The following LSS variants were observed in gnomAD, a reference collection of about 807,000 sequenced individuals.
LSS encodes lanosterol synthase.
A neutral mutation model predicts 110.3 loss-of-function variants in LSS; 90 were observed. That is an observed-to-expected ratio of 0.82 (90% CI 0.69 to 0.97). The LOEUF (loss-of-function observed/expected upper bound fraction) is 0.97. Among genes scored for constraint, LSS ranks in the 50% least tolerant of loss-of-function variants. LSS has a pLI of 0.00. For missense variants in LSS, 927 were observed against 990.0 expected, an observed-to-expected ratio of 0.94 and a Z score of 0.85; for synonymous variants, 433 against 400.0, an observed-to-expected ratio of 1.08 and a Z score of -0.98.
At chr21:46,207,391 C>T (rs201318771) in intron 15 of LSS, 37 bp downstream of exon 15, 148 of 1,605,954 alleles carry the variant, frequency 9.2e-5, no homozygotes, top group East Asian at 1.6e-4. Context: ...CTGCAGGACA[C>T]GAGGTATGGA....
Position 46,189,642 on chromosome 21 carries a change from A to G in LSS, c.*1462T>C, listed in dbSNP as rs545016425. On this transcript the variant is annotated 3_prime_UTR_variant, in exon 22 of 22. Transcript: ENST00000397728. ...GCCCCTGAAGGACTCTGGGCAGGCA[A>G]TGACAGGATCTGAGGGTGTCCAGAC... 438 of 455,988 alleles carry G rather than the reference A, an allele frequency of 9.6e-4. 3 individuals carry two copies. The highest frequency in any genetic ancestry group is 6.5e-3 in the South Asian group (417 of 64,550). 28.2% of individuals were successfully genotyped at this position (455,988 alleles called of 1,614,324 possible).
chr21:46,191,231 T>C lies in LSS; in HGVS notation c.2072A>G (p.Asn691Ser). ...GGACTTGTTGAAGACCCCAGCAATG[T>C]TTTCCTAAAAGAACACAGAGAAATA... ...QLPNGDWPQE[N>S]IAGVFNKSCA... The change falls in exon 22 of 22, where the codon AAC (asparagine) becomes AGC (serine). Residue 691 changes from asparagine to serine, a missense_variant. Asn to Ser is a conservative substitution (Grantham distance 46, BLOSUM62 1). Transcript: ENST00000397728. 6.2e-7 allele frequency: 1 copy of C among 1,613,954 alleles called. No individual in the cohort carries two copies. The highest frequency in any genetic ancestry group is 2.2e-5 in the East Asian group (1 of 44,872).
At chr21:46,215,947 T>C (rs1300321483) in intron 7 of LSS, among the ~76,000 whole-genome samples, 154 bp from the exon 8 acceptor site, 5 of 152,086 alleles carry the variant, frequency 3.3e-5, no homozygotes, top group Admixed American at 3.3e-4. Context: ...CGAGGCCACA[T>C]GAAGGCCCCC....
chr21:46,205,720 T>C (rs1470500543), intron 17 of LSS, 116 bp downstream of exon 17: 1 of 722,920 alleles, frequency 1.4e-6, no homozygotes, highest in Non-Finnish European at 2.3e-6. Flanking sequence ...CTCTTGCATG[T>C]TTCCATGAGT....
chr21:46,200,906 A>G (rs1395837664), intron 17 of LSS, among the ~76,000 whole-genome samples: 1 of 152,264 alleles, frequency 6.6e-6, no homozygotes, highest in African/African-American at 2.4e-5. Flanking sequence ...ACACCTGCTA[A>G]GAAATACTCA....
chr21:46,218,231 C>T (rs1386200948), intron 6 of LSS, among the ~76,000 whole-genome samples: 1 of 152,142 alleles, frequency 6.6e-6, no homozygotes, highest in Non-Finnish European at 1.5e-5. Context: ...TGTGTGGTTC[C>T]AGGGTCTCAC....
chr21:46,215,365 A>G (rs2080188659), intron 8 of LSS, 67 bp from the exon 9 acceptor site: 2 of 1,110,836 alleles, frequency 1.8e-6, no homozygotes, highest in African/African-American at 1.5e-5. Context: ...AGCTCCATGC[A>G]CTGCAACGCC....
chr21:46,191,997 T>C lies in LSS; in HGVS notation c.1989-38A>G, dbSNP rs776471068. ...AAGGCTGAAACACACCCAGCATGCA[T>C]GCCCCCACAGCATCATCCTCACCCT... On this transcript the variant is annotated intron_variant, in intron 20 of 21. Coordinates refer to ENST00000397728, the MANE Select transcript of LSS (RefSeq NM_002340.6). The C allele has an allele frequency of 1.8e-5, 26 of 1,437,894 alleles. No homozygotes were observed. In the African/African-American group the frequency reaches 2.2e-4, roughly 12 times the overall value. The allele number at this position is 1,437,894 out of a possible 1,614,324, so 89.1% of individuals were successfully genotyped here.
At chr21:46,225,136 T>C (rs543481870) in intron 3 of LSS, 1 of 184,970 alleles carries the variant, frequency 5.4e-6, no homozygotes, top group East Asian at 1.4e-4. Flanking sequence ...TATGATTATA[T>C]ATGAATATCA....
Position 46,228,556 on chromosome 21 carries a change from TG to T in LSS, c.57del (p.Thr20ProfsTer59). 1.3e-6 allele frequency: 2 copies of T among 1,596,142 alleles called. No individual in the cohort carries two copies. Among genetic ancestry groups the T allele is most frequent in the South Asian group, 2.2e-5 (2 of 90,522 alleles). Reference sequence around the variant, plus strand: ...TTGAGTCGCCAGCGGCCGAGGTCGGTGGCGGGCTCGGTCTTGTAGGGGCCCC... The same window carrying T: ...TTGAGTCGCCAGCGGCCGAGGTCGGTGCGGGCTCGGTCTTGTAGGGGCCCC... ...RRGGPYKTEP[A>X]TDLGRWRLNC... On this transcript the variant is annotated frameshift_variant, in exon 2 of 22. Transcript: ENST00000397728. LOFTEE classifies it high-confidence loss of function.
At chr21:46,207,179 T>C (rs948724100) in intron 15 of LSS, among the ~76,000 whole-genome samples, 1 of 152,092 alleles carries the variant, frequency 6.6e-6, no homozygotes, top group Non-Finnish European at 1.5e-5. Context: ...CCACGCCGGC[T>C]CCCCCAAGTA....
intron 3 of LSS, among the ~76,000 whole-genome samples, chr21:46,223,613 G>A (rs1241801840): frequency 2.6e-5 from 4 of 152,206 alleles, no homozygotes; most frequent in African/African-American, 4.8e-5. Context: ...AGATCTTAGA[G>A]ATATATGAAT....
chr21:46,194,532 G>C lies in LSS; in HGVS notation c.1947C>G (p.Ile649Met), dbSNP rs1296840398. The stretch of plus-strand genomic sequence containing the variant: ...CCATCATGGCCCAGCATGTGTTATG[G>C]ATCTGGGACTGGGCACTCTGCAAAT... Reference protein sequence around the residue: ...RRYLQSAQSQIHNTCWAMMGL... With the variant: ...RRYLQSAQSQMHNTCWAMMGL... Residue 649 changes from isoleucine to methionine, a missense_variant, in exon 20 of 22, where the codon ATC (isoleucine) becomes ATG (methionine). Coordinates refer to ENST00000397728, the MANE Select transcript of LSS (RefSeq NM_002340.6). 1 of 1,613,742 alleles carries C rather than the reference G, an allele frequency of 6.2e-7. No individual in the cohort carries two copies. Among genetic ancestry groups the C allele is most frequent in the African/African-American group, 1.3e-5 (1 of 74,954 alleles).
At chr21:46,225,602 T>C (rs2080328694) in intron 3 of LSS, among the ~76,000 whole-genome samples, 1 of 152,224 alleles carries the variant, frequency 6.6e-6, no homozygotes, top group Non-Finnish European at 1.5e-5. Flanking sequence ...CTAGTCCACT[T>C]TCATGTTCCA....
intron 18 of LSS, 50 bp from the exon 19 acceptor site, chr21:46,195,806 G>T: frequency 6.7e-7 from 1 of 1,487,520 alleles, no homozygotes; most frequent in Non-Finnish European, 9.4e-7. Context: ...TTCACAGCCG[G>T]TGTGTGAAAC....
At chr21:46,194,762 G>T in intron 19 of LSS, 101 bp from the exon 20 acceptor site, 1 of 1,154,294 alleles carries the variant, frequency 8.7e-7, no homozygotes, top group Non-Finnish European at 1.2e-6. Flanking sequence ...GGAGGAGCCT[G>T]CACGATGGGG....
At chr21:46,214,473 G>A (rs1317967853) in intron 9 of LSS, among the ~76,000 whole-genome samples, 1 of 152,240 alleles carries the variant, frequency 6.6e-6, no homozygotes, top group Non-Finnish European at 1.5e-5. Flanking sequence ...ATGAGGCCCA[G>A]AAAATCCGAG....
At chr21:46,207,924 G>A (rs1244517983) in intron 14 of LSS, among the ~76,000 whole-genome samples, 1 of 152,196 alleles carries the variant, frequency 6.6e-6, no homozygotes, top group Non-Finnish European at 1.5e-5. Context: ...AGCCCACACC[G>A]GCTCTGAGGT....
In LSS at chr21:46,190,807, G is replaced by A. The variant is rs545501599; in HGVS notation, c.*297C>T. The A allele has an allele frequency of 1.5e-5, 6 of 409,054 alleles. No individual in the cohort carries two copies. Among genetic ancestry groups the A allele is most frequent in the South Asian group, 3.7e-5 (1 of 26,702 alleles). The allele number at this position is 409,054 out of a possible 1,614,324, so 25.3% of individuals were successfully genotyped here. ...CTCCTAGCCTCACTACCTTGAGGCC[G>A]TGCCCAGAGGTGGCAGAAGGCGCTG... On this transcript the variant is annotated 3_prime_UTR_variant, in exon 22 of 22. Transcript: ENST00000397728. This position sits in a 1 kb window ranked among gnomAD's most constrained non-coding sequence, Gnocchi z 4.6.
Sources: allele counts gnomAD v4.1 joint callset (sites outside exome capture counted in the v4.1 genomes callset), GRCh38; gene constraint gnomAD v4.1.1; non-coding constraint Gnocchi (gnomAD v3.1); transcripts MANE v1.5; gene names NCBI Gene and HGNC (gene_info 2026-07-23, HGNC 2026-07-21).